BRD10: variants seen among roughly 807,000 people sequenced by gnomAD.
BRD10 encodes bromodomain containing 10, also known as uncharacterized bromodomain-containing protein 10.
chr9:6,002,936 C>T, the BRD10 span, among the ~76,000 whole-genome samples: 1,223 of 152,278 alleles, frequency 8.0e-3, 5 homozygotes, highest in Non-Finnish European at 0.013. Flanking sequence ...CCACCCGCCT[C>T]GGCCTCCCTA....
chr9:5,922,464 T>C, the BRD10 span: 7 of 1,613,996 alleles, frequency 4.3e-6, no homozygotes, highest in South Asian at 6.6e-5. Context: ...CTACTTATAT[T>C]TGATAAAGGT....
chr9:5,958,561 A>C, the BRD10 span, among the ~76,000 whole-genome samples: 1 of 152,180 alleles, frequency 6.6e-6, no homozygotes, highest in South Asian at 2.1e-4. Flanking sequence ...CGGAGGTGAG[A>C]GGATGGCTTG....
chr9:5,941,989 CTT>C, the BRD10 span, among the ~76,000 whole-genome samples: 4 of 151,696 alleles, frequency 2.6e-5, no homozygotes, highest in Admixed American at 2.6e-4. Context: ...AGTAATGACA[CTT>C]ATAATTTATA....
the BRD10 span, among the ~76,000 whole-genome samples, chr9:5,948,202 A>T: frequency 6.6e-6 from 1 of 152,216 alleles, no homozygotes; most frequent in African/African-American, 2.4e-5. Flanking sequence ...AAAGAGACCT[A>T]TCTCCAATTC....
the BRD10 span, among the ~76,000 whole-genome samples, chr9:5,979,640 T>C: frequency 2.0e-5 from 3 of 152,206 alleles, no homozygotes; most frequent in African/African-American, 7.2e-5. Context: ...AACTGCTATC[T>C]AATAATGTCA....
the BRD10 span, among the ~76,000 whole-genome samples, chr9:5,901,288 T>C: frequency 6.6e-6 from 1 of 152,214 alleles, no homozygotes; most frequent in Admixed American, 6.5e-5. Flanking sequence ...CAGGACATCC[T>C]TGCCTTGTTC....
At chr9:5,894,657 C>G in the BRD10 span, among the ~76,000 whole-genome samples, 1 of 152,158 alleles carries the variant, frequency 6.6e-6, no homozygotes. The surrounding 1 kb of genome is among the most constrained non-coding windows in gnomAD (Gnocchi z 4.0). Flanking sequence ...TGCCGGAAAA[C>G]GAGCTGGTGC....
the BRD10 span, chr9:5,910,004 A>T: frequency 9.2e-5 from 14 of 152,224 alleles, no homozygotes; most frequent in Non-Finnish European, 1.3e-4. Context: ...ATAGTAGAGG[A>T]TAACTATAAC....
the BRD10 span, among the ~76,000 whole-genome samples, chr9:5,912,810 C>A: frequency 6.6e-6 from 1 of 152,186 alleles, no homozygotes; most frequent in East Asian, 1.9e-4. Flanking sequence ...CTGCTTTGAT[C>A]CCCTAAGCTT....
the BRD10 span, among the ~76,000 whole-genome samples, chr9:5,902,657 T>C: frequency 1.3e-5 from 2 of 151,006 alleles, no homozygotes; most frequent in Non-Finnish European, 2.9e-5. Flanking sequence ...CCTCCAGGTC[T>C]GATTAATTTT....
At chr9:5,936,226 T>G in the BRD10 span, among the ~76,000 whole-genome samples, 1 of 152,122 alleles carries the variant, frequency 6.6e-6, no homozygotes, top group Non-Finnish European at 1.5e-5. Flanking sequence ...CATGGTAGTG[T>G]GCACCTGTAG....
the BRD10 span, chr9:5,897,507 G>A: frequency 6.7e-7 from 1 of 1,503,446 alleles, no homozygotes; most frequent in East Asian, 2.3e-5. Flanking sequence ...TCATCATAAT[G>A]TAGAACAATG....
At chr9:5,929,401 T>A in the BRD10 span, among the ~76,000 whole-genome samples, 1 of 152,152 alleles carries the variant, frequency 6.6e-6, no homozygotes, top group Admixed American at 6.6e-5. Flanking sequence ...ATTTTAAAAA[T>A]GTTTTAAAAT....
At chr9:6,005,368 G>A in the BRD10 span, among the ~76,000 whole-genome samples, 6 of 152,226 alleles carry the variant, frequency 3.9e-5, no homozygotes, top group African/African-American at 1.2e-4. Context: ...AAGATTAGCC[G>A]GGCGCGGTGA....
At chr9:5,922,939 G>A in the BRD10 span, 2 of 1,613,974 alleles carry the variant, frequency 1.2e-6, no homozygotes, top group Non-Finnish European at 8.5e-7. Context: ...GATTTGTTAA[G>A]GTCACTTTAT....
chr9:5,955,380 T>G, the BRD10 span, among the ~76,000 whole-genome samples: 5 of 152,176 alleles, frequency 3.3e-5, no homozygotes, highest in African/African-American at 1.2e-4. Context: ...CACTTAAATG[T>G]CAATATTTTT....
At chr9:5,940,358 C>A in the BRD10 span, among the ~76,000 whole-genome samples, 3 of 152,010 alleles carry the variant, frequency 2.0e-5, no homozygotes, top group Admixed American at 6.6e-5. Flanking sequence ...TACAGCCTGG[C>A]TAATTTTTGT....
At chr9:5,958,075 C>A in the BRD10 span, among the ~76,000 whole-genome samples, 2 of 152,064 alleles carry the variant, frequency 1.3e-5, no homozygotes, top group African/African-American at 4.8e-5. Flanking sequence ...CACTCTTGAG[C>A]CTAAAACAGA....
the BRD10 span, chr9:6,007,178 G>A: frequency 9.3e-6 from 15 of 1,606,770 alleles, no homozygotes; most frequent in African/African-American, 1.7e-4. Context: ...GTCCCACCGG[G>A]GACCGGGCTC....
Sources: gnomAD v4.1 joint callset for allele counts (sites outside exome capture counted in the v4.1 genomes callset) on GRCh38, gnomAD v4.1.1 for gene constraint, Gnocchi (gnomAD v3.1) non-coding constraint, MANE v1.5 for transcripts, NCBI Gene and HGNC (gene_info 2026-07-23, HGNC 2026-07-21) for gene names.